The following KCNQ1OT1 variants were observed in gnomAD, a reference collection of about 807,000 sequenced individuals.
KCNQ1OT1 encodes the protein KCNQ1 opposite strand/antisense transcript 1.
exon 1 of KCNQ1OT1, chr11:2,684,239 A>G (rs981401405): frequency 1.5e-5 from 6 of 398,510 alleles, no homozygotes; most frequent in Admixed American, 4.4e-5. Flanking sequence ...GACCCTACCC[A>G]GTACCTTCTG....
chr11:2,642,120 A>G lies in KCNQ1OT1; in HGVS notation n.57875T>C, dbSNP rs1459154985. 2.5e-6 allele frequency: 1 copy of G among 398,240 alleles called. No individual in the cohort carries two copies. The highest frequency in any genetic ancestry group is 4.4e-6 in the Non-Finnish European group (1 of 225,926). The allele number at this position is 398,240 out of a possible 1,614,324, so 24.7% of individuals were successfully genotyped here. Reference sequence around the variant, plus strand: ...GCTATTCCAGCTCTTTTTTGGTTCCATCTGAATTTTAGGATTTTTTCTATT... The same window carrying G: ...GCTATTCCAGCTCTTTTTTGGTTCCGTCTGAATTTTAGGATTTTTTCTATT... On this transcript the variant is annotated non_coding_transcript_exon_variant, in exon 1 of 1. Coordinates refer to ENST00000597346, the Ensembl canonical transcript of KCNQ1OT1. This position sits in a 1 kb window ranked among gnomAD's most constrained non-coding sequence, Gnocchi z 4.3.
In KCNQ1OT1 at chr11:2,654,815, A is replaced by G. The variant is rs982470867; in HGVS notation, n.45180T>C. The G allele has an allele frequency of 2.5e-6, 1 of 398,648 alleles. No homozygotes were observed. Among genetic ancestry groups the G allele is most frequent in the Admixed American group, 4.4e-5 (1 of 22,728 alleles). The allele number at this position is 398,648 out of a possible 1,614,324, so 24.7% of individuals were successfully genotyped here. On this transcript the variant is annotated non_coding_transcript_exon_variant, in exon 1 of 1. Coordinates refer to ENST00000597346, the Ensembl canonical transcript of KCNQ1OT1. This position sits in a 1 kb window ranked among gnomAD's most constrained non-coding sequence, Gnocchi z 6.4. ...GGAACAGAAAGCCTCAAAGACTTTC[A>G]TGATAGGAGAGCTCTATGTAGCCTC...
In KCNQ1OT1 at chr11:2,661,504, G is replaced by A. The variant is rs764311813; in HGVS notation, n.38491C>T. On this transcript the variant is annotated non_coding_transcript_exon_variant, in exon 1 of 1. Transcript: ENST00000597346. The surrounding 1 kb of genome is among the most constrained non-coding windows in gnomAD (Gnocchi z 5.9). Reference sequence around the variant, plus strand: ...CTCCCAGGCTTGCCATTCCTCATGGGTCAGAGGTCCTATCACCCCATCTTT... The same window carrying A: ...CTCCCAGGCTTGCCATTCCTCATGGATCAGAGGTCCTATCACCCCATCTTT... The A allele has an allele frequency of 6.5e-6, 3 of 462,968 alleles. No individual in the cohort carries two copies. Among genetic ancestry groups the A allele is most frequent in the African/African-American group, 2.0e-5 (1 of 51,164 alleles). 28.7% of individuals were successfully genotyped at this position (462,968 alleles called of 1,614,324 possible). A position where few individuals can be genotyped will look rare whatever the true frequency, so the allele number is the denominator to read the frequency against.
chr11:2,614,939 T>G, exon 1 of KCNQ1OT1: 1 of 398,460 alleles, frequency 2.5e-6, no homozygotes. Flanking sequence ...AAAAGGCCCT[T>G]GGGATTTTGA....
exon 1 of KCNQ1OT1, chr11:2,699,179 C>T (rs1384291799): frequency 2.5e-6 from 1 of 398,656 alleles, no homozygotes; most frequent in Non-Finnish European, 4.4e-6. Flanking sequence ...GAACTATAGA[C>T]CCGGAATCCG....
chr11:2,667,214 A>G (rs1850092325), exon 1 of KCNQ1OT1: 1 of 398,658 alleles, frequency 2.5e-6, no homozygotes, highest in Non-Finnish European at 4.4e-6. Context: ...TGGCCCCCTA[A>G]CCTTTCCAAA....
exon 1 of KCNQ1OT1, chr11:2,675,888 T>C (rs1850285097): frequency 2.5e-6 from 1 of 398,704 alleles, no homozygotes; most frequent in Non-Finnish European, 4.4e-6. Context: ...TCGTGCTTTA[T>C]GTATTCAAGG....
rs760714309 is a variant in KCNQ1OT1 at position 2,678,576 on chromosome 11, G to T, written n.21419C>A. On this transcript the variant is annotated non_coding_transcript_exon_variant, in exon 1 of 1. Coordinates refer to ENST00000597346, the Ensembl canonical transcript of KCNQ1OT1. This position sits in a 1 kb window ranked among gnomAD's most constrained non-coding sequence, Gnocchi z 4.9. ...AGTTATTTTAATTATGTAACTTTAT[G>T]ATGCACTTATCTGTGTAGCAGGACT... 6 of 398,456 alleles carry T rather than the reference G, an allele frequency of 1.5e-5. No individual in the cohort carries two copies. Among genetic ancestry groups the T allele is most frequent in the Non-Finnish European group, 2.7e-5 (6 of 226,060 alleles). The allele number at this position is 398,456 out of a possible 1,614,324, so 24.7% of individuals were successfully genotyped here.
chr11:2,643,846 G>A (rs1236760762), exon 1 of KCNQ1OT1: 9 of 398,322 alleles, frequency 2.3e-5, no homozygotes, highest in African/African-American at 4.1e-5. Context: ...CATTTCTGAC[G>A]AATATAACTT....
Position 2,652,367 on chromosome 11 carries a change from A to C in KCNQ1OT1, n.47628T>G. ...TCCGCGATGTTGTGATGAAGGTGAA[A>C]AGATCGCTCTTAATTAGATTAAAAA... On this transcript the variant is annotated non_coding_transcript_exon_variant, in exon 1 of 1. Coordinates refer to ENST00000597346, the Ensembl canonical transcript of KCNQ1OT1. This position sits in a 1 kb window ranked among gnomAD's most constrained non-coding sequence, Gnocchi z 5.9. 2 of 398,634 alleles carry C rather than the reference A, an allele frequency of 5.0e-6. No homozygotes were observed. Among genetic ancestry groups the C allele is most frequent in the East Asian group, 7.1e-5 (2 of 28,076 alleles). The allele number at this position is 398,634 out of a possible 1,614,324, so 24.7% of individuals were successfully genotyped here.
chr11:2,616,491 G>A, exon 1 of KCNQ1OT1: 2 of 397,456 alleles, frequency 5.0e-6, no homozygotes, highest in Non-Finnish European at 8.9e-6. Flanking sequence ...ATTAGGTTAT[G>A]GATCCTTCTT....
exon 1 of KCNQ1OT1, chr11:2,665,502 C>A: frequency 2.5e-6 from 1 of 395,076 alleles, no homozygotes; most frequent in Non-Finnish European, 4.4e-6. Context: ...ATCCCTGTGC[C>A]TTGCGTGTGG....
At position 2,647,835 on chromosome 11, in the gene KCNQ1OT1, A is replaced by C; in HGVS notation, n.52160T>G. ...TTTGTATTTCTGTGGTGTCCATTGT[A>C]AGTCTCCTTTTTCATTTCTGATTTT... is the stretch of plus-strand genomic sequence containing the variant. On this transcript the variant is annotated non_coding_transcript_exon_variant, in exon 1 of 1. Transcript: ENST00000597346. The surrounding 1 kb of genome is among the most constrained non-coding windows in gnomAD (Gnocchi z 4.0). The C allele has an allele frequency of 2.5e-6, 1 of 398,464 alleles. No individual in the cohort carries two copies. Among genetic ancestry groups the C allele is most frequent in the Non-Finnish European group, 4.4e-6 (1 of 226,040 alleles). The allele number at this position is 398,464 out of a possible 1,614,324, so 24.7% of individuals were successfully genotyped here. A position where few individuals can be genotyped will look rare whatever the true frequency, so the allele number is the denominator to read the frequency against.
Position 2,647,120 on chromosome 11 carries a change from A to G in KCNQ1OT1, n.52875T>C, listed in dbSNP as rs1849678162. ...CCAGGTGGCTGTGGGTTTGTCATAT[A>G]TGACCTTCATTGAGTTATGTTCCTT... On this transcript the variant is annotated non_coding_transcript_exon_variant, in exon 1 of 1. Transcript: ENST00000597346. The surrounding 1 kb of genome is among the most constrained non-coding windows in gnomAD (Gnocchi z 4.0). 2.5e-6 allele frequency: 1 copy of G among 398,366 alleles called. No individual in the cohort carries two copies. Among genetic ancestry groups the G allele is most frequent in the South Asian group, 1.3e-4 (1 of 7,854 alleles). The allele number at this position is 398,366 out of a possible 1,614,324, so 24.7% of individuals were successfully genotyped here.
At chr11:2,610,979 A>G (rs1331343903) in exon 1 of KCNQ1OT1, 1 of 398,250 alleles carries the variant, frequency 2.5e-6, no homozygotes. Context: ...AAGAGTTAGT[A>G]CTATTATTGT....
At chr11:2,655,721 A>T (rs1849835068) in exon 1 of KCNQ1OT1, 1 of 174,372 alleles carries the variant, frequency 5.7e-6, no homozygotes, top group South Asian at 2.2e-4. Context: ...TAGATGCCTG[A>T]CCTGGCTACG....
chr11:2,685,796 C>T (rs533726983), exon 1 of KCNQ1OT1: 2 of 398,568 alleles, frequency 5.0e-6, no homozygotes, highest in Admixed American at 4.4e-5. Flanking sequence ...GCACAGTCAG[C>T]GTTCCTGAGA....
Position 2,677,548 on chromosome 11 carries a change from C to T in KCNQ1OT1, n.22447G>A, listed in dbSNP as rs1850314969. On this transcript the variant is annotated non_coding_transcript_exon_variant, in exon 1 of 1. Coordinates refer to ENST00000597346, the Ensembl canonical transcript of KCNQ1OT1. This position sits in a 1 kb window ranked among gnomAD's most constrained non-coding sequence, Gnocchi z 4.5. Reference sequence around the variant, plus strand: ...ATCCTCTGCCAAGTATAAAAGATGCCCTCAGATGTTACCATATAATGCTTT... The same window carrying T: ...ATCCTCTGCCAAGTATAAAAGATGCTCTCAGATGTTACCATATAATGCTTT... 2.5e-6 allele frequency: 1 copy of T among 398,346 alleles called. No homozygotes were observed. The highest frequency in any genetic ancestry group is 4.4e-6 in the Non-Finnish European group (1 of 226,054). The allele number at this position is 398,346 out of a possible 1,614,324, so 24.7% of individuals were successfully genotyped here. A position where few individuals can be genotyped will look rare whatever the true frequency, so the allele number is the denominator to read the frequency against.
chr11:2,692,192 G>T (rs1236425913), exon 1 of KCNQ1OT1: 9 of 398,642 alleles, frequency 2.3e-5, no homozygotes, highest in Non-Finnish European at 4.0e-5. Flanking sequence ...AGAAGTTCTG[G>T]GGTCATTTCC....
Sources: allele counts gnomAD v4.1 joint callset, GRCh38; gene constraint gnomAD v4.1.1; non-coding constraint Gnocchi (gnomAD v3.1); transcripts MANE v1.5; gene names NCBI Gene and HGNC (gene_info 2026-07-23, HGNC 2026-07-21).